Variants in PRKCA observed in about 807,000 individuals in gnomAD.
PRKCA encodes protein kinase C alpha type.
In PRKCA, 27 loss-of-function variants were observed where a neutral mutation model predicts 87.0. That is an observed-to-expected ratio of 0.31 (90% confidence interval 0.23 to 0.43). The LOEUF (loss-of-function observed/expected upper bound fraction) is 0.43. Among genes scored for constraint, PRKCA ranks in the 20% least tolerant of loss-of-function variants. PRKCA has a pLI of 1.00. For missense variants in PRKCA, 518 were observed against 852.3 expected, an observed-to-expected ratio of 0.61 and a Z score of 4.88; for synonymous variants, 329 against 311.1, an observed-to-expected ratio of 1.06 and a Z score of -0.61.
chr17:66,422,720 C>T (rs1046379946), intron 2 of PRKCA, among the ~76,000 whole-genome samples: 2 of 152,108 alleles, frequency 1.3e-5, no homozygotes, highest in Non-Finnish European at 2.9e-5. Context: ...TTTTATATAC[C>T]GTGACACTCT....
At chr17:66,615,291 T>G (rs1202711216) in intron 3 of PRKCA, among the ~76,000 whole-genome samples, 1 of 152,068 alleles carries the variant, frequency 6.6e-6, no homozygotes, top group African/African-American at 2.4e-5. Context: ...GGCCTCGGTG[T>G]GCCCAGCTCA....
At chr17:66,708,535 T>A (rs896778964) in intron 8 of PRKCA, among the ~76,000 whole-genome samples, 4 of 152,216 alleles carry the variant, frequency 2.6e-5, no homozygotes, top group African/African-American at 9.7e-5. Context: ...ACCCAGTGGC[T>A]GCCGGAAGGC....
intron 2 of PRKCA, among the ~76,000 whole-genome samples, chr17:66,493,884 C>A (rs1305787416): frequency 6.6e-6 from 1 of 152,206 alleles, no homozygotes; most frequent in Non-Finnish European, 1.5e-5. Context: ...TACTTTCATA[C>A]CTAGACTATG....
At chr17:66,306,764 A>G (rs1457189631) in intron 2 of PRKCA, among the ~76,000 whole-genome samples, 1 of 152,122 alleles carries the variant, frequency 6.6e-6, no homozygotes, top group African/African-American at 2.4e-5. Flanking sequence ...TTTCACACAC[A>G]TCGAATATCT....
chr17:66,790,631 A>G (rs1975510668), intron 16 of PRKCA, among the ~76,000 whole-genome samples: 1 of 152,216 alleles, frequency 6.6e-6, no homozygotes, highest in Non-Finnish European at 1.5e-5. Context: ...TATAGGAACA[A>G]CGTAGAGATG....
Position 66,804,099 on chromosome 17 carries a change from T to G in PRKCA, c.*62T>G. 6.5e-7 allele frequency: 1 copy of G among 1,546,278 alleles called. No individual in the cohort carries two copies. The highest frequency in any genetic ancestry group is 2.3e-5 in the East Asian group (1 of 43,924). On this transcript the variant is annotated 3_prime_UTR_variant, in exon 17 of 17. Transcript: ENST00000413366. ...AGCCCTCCCCGCAGTGGGAAGTGAA[T>G]CCTTAACCCTAAAATTTTAAGGCCA... is the stretch of plus-strand genomic sequence containing the variant.
intron 2 of PRKCA, among the ~76,000 whole-genome samples, chr17:66,448,281 A>C (rs1914134955): frequency 1.3e-5 from 2 of 152,196 alleles, no homozygotes; most frequent in South Asian, 4.1e-4. Flanking sequence ...AGTCTGCCCT[A>C]ATAAACATAG....
chr17:66,348,181 A>G (rs1012241705), intron 2 of PRKCA, among the ~76,000 whole-genome samples: 2 of 151,832 alleles, frequency 1.3e-5, no homozygotes, highest in Non-Finnish European at 2.9e-5. Flanking sequence ...GCCTCATGTG[A>G]TCCACCTGCC....
intron 3 of PRKCA, among the ~76,000 whole-genome samples, chr17:66,552,974 A>G (rs1968385645): frequency 6.7e-6 from 1 of 149,684 alleles, no homozygotes; most frequent in Non-Finnish European, 1.5e-5. Flanking sequence ...TTTTATAAAA[A>G]TCTGAATATT....
At chr17:66,417,625 C>T (rs973556104) in intron 2 of PRKCA, among the ~76,000 whole-genome samples, 4 of 152,138 alleles carry the variant, frequency 2.6e-5, no homozygotes, top group Non-Finnish European at 5.9e-5. Flanking sequence ...CATACCACCC[C>T]AGGTAAGGAG....
chr17:66,766,882 C>T (rs1429715180), intron 13 of PRKCA, among the ~76,000 whole-genome samples: 2 of 151,576 alleles, frequency 1.3e-5, no homozygotes, highest in African/African-American at 2.4e-5. Flanking sequence ...CTGGCTTTAA[C>T]CAAGTTAAAC....
intron 2 of PRKCA, among the ~76,000 whole-genome samples, chr17:66,337,545 A>G (rs1246701443): frequency 2.7e-5 from 4 of 149,110 alleles, no homozygotes; most frequent in Non-Finnish European, 5.9e-5. Flanking sequence ...GGTTGCCACC[A>G]TGGCCAGCTA....
chr17:66,696,731 TATGG>T (rs1188335045), intron 8 of PRKCA, among the ~76,000 whole-genome samples: 1 of 152,236 alleles, frequency 6.6e-6, no homozygotes, highest in Non-Finnish European at 1.5e-5. Context: ...TTCCAACATT[TATGG>T]TTTCTTAGAA....
In PRKCA at chr17:66,645,524, C is replaced by T. The variant is rs768406476; in HGVS notation, c.529+13C>T. ...CTCCATGTCACAGGTAAGGCTTGCTCATCCCGGAGCAGCATCGTGGGCAGG... is the reference window on the plus strand; with the variant it reads ...CTCCATGTCACAGGTAAGGCTTGCTTATCCCGGAGCAGCATCGTGGGCAGG... On this transcript the variant is annotated intron_variant, in intron 5 of 16. Coordinates refer to ENST00000413366, the MANE Select transcript of PRKCA (RefSeq NM_002737.3). 5 of 1,614,048 alleles carry T rather than the reference C, an allele frequency of 3.1e-6. No homozygotes were observed. The Admixed American group carries it at 6.7e-5, about 22-fold the overall frequency.
At chr17:66,359,344 C>T (rs928813976) in intron 2 of PRKCA, among the ~76,000 whole-genome samples, 14 of 152,250 alleles carry the variant, frequency 9.2e-5, no homozygotes, top group African/African-American at 2.6e-4. Flanking sequence ...AATGATTTTG[C>T]AATCTGCTGC....
intron 3 of PRKCA, among the ~76,000 whole-genome samples, chr17:66,575,051 G>A (rs748514082): frequency 6.6e-6 from 1 of 152,040 alleles, no homozygotes; most frequent in South Asian, 2.1e-4. Context: ...TGAATTGCCG[G>A]TGTCACCACT....
At chr17:66,492,542 C>T (rs73336516) in intron 2 of PRKCA, among the ~76,000 whole-genome samples, 1,664 of 152,188 alleles carry the variant, frequency 0.011, 27 homozygotes, top group African/African-American at 0.037. Context: ...AATGTTTGAA[C>T]GATTAAGTAG....
At chr17:66,534,635 C>G (rs1248263510) in intron 3 of PRKCA, among the ~76,000 whole-genome samples, 2 of 152,244 alleles carry the variant, frequency 1.3e-5, no homozygotes, top group South Asian at 2.1e-4. Flanking sequence ...CCACTGCACT[C>G]CAGCCTGGGT....
chr17:66,775,087 G>T (rs1454330992), intron 14 of PRKCA: 4 of 985,318 alleles, frequency 4.1e-6, no homozygotes, highest in Non-Finnish European at 3.6e-6. Flanking sequence ...AAATTAGGAG[G>T]AATTAGTGGA....
Sources: allele counts gnomAD v4.1 joint callset (sites outside exome capture counted in the v4.1 genomes callset), GRCh38; gene constraint gnomAD v4.1.1; transcripts MANE v1.5; gene names NCBI Gene and HGNC (gene_info 2026-07-23, HGNC 2026-07-21).